Variants in BRPF1 observed in about 807,000 individuals in gnomAD.
BRPF1 encodes the protein peregrin.
In BRPF1, 15 loss-of-function variants were observed where a neutral mutation model predicts 115.0. The ratio of observed to expected loss-of-function variants is 0.13; its 90% CI spans 0.09 to 0.20. BRPF1 has a LOEUF of 0.20. BRPF1 is among the 10% of genes least tolerant of loss of function. The pLI, the probability that BRPF1 is intolerant of heterozygous loss-of-function variation, is 1.00. For missense variants in BRPF1, 1,118 were observed against 1,638.3 expected (o/e 0.68, Z 5.48); for synonymous variants, 647 against 619.8 (o/e 1.04, Z -0.65).
rs142935919 is a variant in BRPF1, at chr3:9,734,526, C to T, written c.386C>T (p.Ala129Val). ...VSEDEEAPEE[A>V]PENGSNKENT... ...GAGGATGAGGAAGCCCCCGAGGAGG[C>T]CCCTGAGAATGGCAGCAACAAGGAG... is the stretch of plus-strand genomic sequence containing the variant. Residue 129 changes from alanine to valine, a missense_variant, in exon 2 of 14, where the codon GCC (alanine) becomes GTC (valine). Physicochemically the swap from Ala to Val is moderately conservative, Grantham distance 64. Around this residue, in one of 10 missense-constraint regions of BRPF1, gnomAD observed 280 missense variants for 382.8 expected, o/e 0.73. Coordinates refer to ENST00000383829, the MANE Select transcript of BRPF1 (RefSeq NM_001003694.2). The surrounding 1 kb of genome is among the most constrained non-coding windows in gnomAD (Gnocchi z 5.7). The T allele has an allele frequency of 6.8e-6, 11 of 1,613,996 alleles. No homozygotes were observed. Among genetic ancestry groups the T allele is most frequent in the Non-Finnish European group, 8.5e-6 (10 of 1,180,034 alleles).
intron 6 of BRPF1, 38 bp from the exon 7 acceptor site, chr3:9,742,906 A>G (rs769380375): frequency 1.9e-5 from 31 of 1,592,618 alleles, no homozygotes; most frequent in Non-Finnish European, 2.6e-5. Context: ...AATAAGGAGG[A>G]TATCTCCACT....
chr3:9,735,459 G>A (rs1055852955), intron 2 of BRPF1, among the ~76,000 whole-genome samples: 1 of 152,136 alleles, frequency 6.6e-6, no homozygotes, highest in African/African-American at 2.4e-5. Flanking sequence ...GCATGACCTT[G>A]GGAAATGCAT....
At chr3:9,738,901 C>T (rs1320242617) in intron 2 of BRPF1, 98 bp from the exon 3 acceptor site, 12 of 1,110,738 alleles carry the variant, frequency 1.1e-5, no homozygotes, top group Non-Finnish European at 1.5e-5. Flanking sequence ...ATCTGAAGGG[C>T]ATAGGCACAG....
Position 9,745,185 on chromosome 3 carries a change from C to G in BRPF1, c.3068+30C>G, listed in dbSNP as rs1040770247. 2 of 1,606,590 alleles carry G rather than the reference C, an allele frequency of 1.2e-6. No individual in the cohort carries two copies. Among genetic ancestry groups the G allele is most frequent in the Admixed American group, 3.4e-5 (2 of 58,192 alleles). ...CAGCCCTCCAGATCGAGGCCAACCT[C>G]AGGGGATGCCCTTCCAGGGCTCTTG... On this transcript the variant is annotated intron_variant, in intron 10 of 13. Transcript: ENST00000383829. The surrounding 1 kb of genome is among the most constrained non-coding windows in gnomAD (Gnocchi z 5.1).
Position 9,739,791 on chromosome 3 carries a change from T to TGAGGAGGATGAAGATGAG in BRPF1, c.1404_1421dup (p.Asp469_Glu474dup). On this transcript the variant is annotated inframe_insertion, in exon 3 of 14. Coordinates refer to ENST00000383829, the MANE Select transcript of BRPF1 (RefSeq NM_001003694.2). ...TGCCTGCCCTGTCCCACAGCGAGGG[T>TGAGGAGGATGAAGATGAG]GAGGAGGATGAAGATGAGGAGGAGG... 1 of 1,612,328 alleles carries TGAGGAGGATGAAGATGAG rather than the reference T, an allele frequency of 6.2e-7. No individual in the cohort carries two copies. The highest frequency in any genetic ancestry group is 8.5e-7 in the Non-Finnish European group (1 of 1,179,412).
rs779575631 is a variant in BRPF1, at chr3:9,743,546, G to C, written c.2312-32G>C. 1.3e-6 allele frequency: 2 copies of C among 1,593,862 alleles called. No homozygotes were observed. The highest frequency in any genetic ancestry group is 4.5e-5 in the East Asian group (2 of 44,680). On this transcript the variant is annotated intron_variant, in intron 7 of 13. Transcript: ENST00000383829. The surrounding 1 kb of genome is among the most constrained non-coding windows in gnomAD (Gnocchi z 6.1). Reference sequence around the variant, plus strand: ...CAAGGGGCCCTGAGGGCTGCCCTGAGTCTGACCTTTCCCCTCCAACCCTAC... The same window carrying C: ...CAAGGGGCCCTGAGGGCTGCCCTGACTCTGACCTTTCCCCTCCAACCCTAC...
Position 9,743,662 on chromosome 3 carries a change from T to C in BRPF1, c.2396T>C (p.Leu799Pro), listed in dbSNP as rs760939002. Residue 799 changes from leucine to proline, a missense_variant, in exon 8 of 14, where the codon CTG (leucine) becomes CCG (proline). Leu to Pro is a moderately conservative substitution (Grantham distance 98). Transcript: ENST00000383829. This position sits in a 1 kb window ranked among gnomAD's most constrained non-coding sequence, Gnocchi z 6.1. ...EEQLKLLLER[L>P]DEVNASKQSV... is the part of the protein sequence containing the mutation. ...CAGCTAAAGCTGCTTCTGGAGCGGC[T>C]GGACGAAGTGAATGCCAGCAAGCAG... The C allele has an allele frequency of 2.5e-6, 4 of 1,614,146 alleles. No homozygotes were observed. The highest frequency in any genetic ancestry group is 3.4e-6 in the Non-Finnish European group (4 of 1,180,036).
intron 1 of BRPF1, chr3:9,732,506 C>T (rs987338711): frequency 3.3e-5 from 5 of 152,304 alleles, no homozygotes; most frequent in African/African-American, 1.2e-4. Flanking sequence ...CTCCTTGGGC[C>T]CTCCCCACGG....
Position 9,734,036 on chromosome 3 carries a change from C to T in BRPF1, c.-10-95C>T. On this transcript the variant is annotated intron_variant, in intron 1 of 13. Coordinates refer to ENST00000383829, the MANE Select transcript of BRPF1 (RefSeq NM_001003694.2). The surrounding 1 kb of genome is among the most constrained non-coding windows in gnomAD (Gnocchi z 5.7). ...GTAGGCTGGCCAGAATCTGGTGACT[C>T]CAAGTGAGGGGGAGGGCTAGAAAGA... The T allele has an allele frequency of 6.6e-7, 1 of 1,504,102 alleles. No homozygotes were observed. The allele number at this position is 1,504,102 out of a possible 1,614,324, so 93.2% of individuals were successfully genotyped here. A position where few individuals can be genotyped will look rare whatever the true frequency, so the allele number is the denominator to read the frequency against.
At chr3:9,741,040 C>CT in intron 4 of BRPF1, 99 bp downstream of exon 4, 2 of 1,312,210 alleles carry the variant, frequency 1.5e-6, no homozygotes, top group Non-Finnish European at 2.1e-6. Flanking sequence ...GGCTTAGACT[C>CT]TTTCCTCCTT....
At chr3:9,738,590 C>T (rs1402964322) in intron 2 of BRPF1, among the ~76,000 whole-genome samples, 3 of 152,098 alleles carry the variant, frequency 2.0e-5, no homozygotes, top group Non-Finnish European at 4.4e-5. Context: ...TCCTTCTTCC[C>T]CGATTCTTCG....
Position 9,739,716 on chromosome 3 carries a change from C to T in BRPF1, c.1317C>T (p.Arg439=). ...CCAACGGCACCTCTTTCAGTGTCCG[C>T]AAGACAGCCTACTGCGACATCCACA... ...TGANGTSFSV[R]KTAYCDIHTP... The change falls in exon 3 of 14, where the codon CGC becomes CGT. Residue 439 remains arginine (R), a synonymous_variant. Coordinates refer to ENST00000383829, the MANE Select transcript of BRPF1 (RefSeq NM_001003694.2). 1.2e-6 allele frequency: 2 copies of T among 1,613,882 alleles called. No homozygotes were observed. Among genetic ancestry groups the T allele is most frequent in the South Asian group, 1.1e-5 (1 of 91,074 alleles).
chr3:9,741,980 C>G, intron 5 of BRPF1, 45 bp from the exon 6 acceptor site: 1 of 1,609,042 alleles, frequency 6.2e-7, no homozygotes, highest in Middle Eastern at 1.9e-4. Flanking sequence ...CTCTTTGCCA[C>G]TGAACTGGCC....
At position 9,747,549 on chromosome 3, in the gene BRPF1, C is replaced by G. The variant is rs1015836852; in HGVS notation, c.*200C>G. 1.9e-6 allele frequency: 1 copy of G among 531,690 alleles called. No homozygotes were observed. Among genetic ancestry groups the G allele is most frequent in the African/African-American group, 1.9e-5 (1 of 53,486 alleles). The allele number at this position is 531,690 out of a possible 1,614,324, so 32.9% of individuals were successfully genotyped here. ...AACACTCCAAGGGCCAATGGCAGTT[C>G]AGCGCAAGGAGAGGGAGGGCCCACA... On this transcript the variant is annotated 3_prime_UTR_variant, in exon 14 of 14. Coordinates refer to ENST00000383829, the MANE Select transcript of BRPF1 (RefSeq NM_001003694.2). This position sits in a 1 kb window ranked among gnomAD's most constrained non-coding sequence, Gnocchi z 5.6.
chr3:9,740,026 T>C (rs566167326), intron 3 of BRPF1, 68 bp downstream of exon 3: 1 of 1,466,216 alleles, frequency 6.8e-7, no homozygotes, highest in South Asian at 1.4e-5. Context: ...GCTGGCAGCC[T>C]CCTGAGTGGA....
chr3:9,741,917 G>C (rs2077038569), intron 5 of BRPF1, 108 bp from the exon 6 acceptor site: 1 of 1,286,400 alleles, frequency 7.8e-7, no homozygotes, highest in African/African-American at 1.5e-5. Flanking sequence ...ACCCAGCTGT[G>C]AGGGTGGGAA....
At chr3:9,736,951 T>C (rs1263151913) in intron 2 of BRPF1, among the ~76,000 whole-genome samples, 1 of 152,194 alleles carries the variant, frequency 6.6e-6, no homozygotes, top group African/African-American at 2.4e-5. Context: ...TCTGGGTGCC[T>C]GTGGGAGTGT....
At chr3:9,735,040 T>G (rs923037268) in intron 2 of BRPF1, among the ~76,000 whole-genome samples, 8 of 148,206 alleles carry the variant, frequency 5.4e-5, no homozygotes, top group African/African-American at 2.0e-4. Flanking sequence ...TTTTTTTTTT[T>G]GAGACAGGGC....
At position 9,744,331 on chromosome 3, in the gene BRPF1, G is replaced by A; in HGVS notation, c.2743G>A (p.Gly915Ser). The change falls in exon 9 of 14, where the codon GGC (glycine) becomes AGC (serine). Residue 915 changes from glycine to serine, a missense_variant. By Grantham distance (56) the Gly-to-Ser change is moderately conservative. Around this residue, in one of 10 missense-constraint regions of BRPF1, gnomAD observed 92 missense variants for 102.2 expected, o/e 0.90. Coordinates refer to ENST00000383829, the MANE Select transcript of BRPF1 (RefSeq NM_001003694.2). ...GACAGCTGGACCGCCCAAGAGGCCG[G>A]GCCGGCCCCCCAAAAACCGGGAGAG... ...PKTAGPPKRP[G>S]RPPKNRESQM... 1 of 1,613,480 alleles carries A rather than the reference G, an allele frequency of 6.2e-7. No individual in the cohort carries two copies. The highest frequency in any genetic ancestry group is 8.5e-7 in the Non-Finnish European group (1 of 1,179,720).
Sources: allele counts gnomAD v4.1 joint callset (sites outside exome capture counted in the v4.1 genomes callset), GRCh38; gene constraint gnomAD v4.1.1; regional missense constraint gnomAD v4.1.1; non-coding constraint Gnocchi (gnomAD v3.1); transcripts MANE v1.5; gene names NCBI Gene and HGNC (gene_info 2026-07-23, HGNC 2026-07-21).